BMPR2: variants seen among roughly 807,000 people sequenced by gnomAD.
The protein encoded by BMPR2 is bone morphogenetic protein receptor type-2.
Under a neutral mutation model 100.8 loss-of-function variants are expected in BMPR2, and 29 were observed. That is an observed-to-expected ratio of 0.29 (90% CI 0.21 to 0.39). BMPR2 has a LOEUF of 0.39. BMPR2 is among the 10% of genes least tolerant of loss of function. The pLI, the probability that BMPR2 is intolerant of heterozygous loss-of-function variation, is 1.00. For missense variants in BMPR2, 1,011 were observed against 1,274.5 expected (o/e 0.79, Z 3.15); for synonymous variants, 382 against 442.3 (o/e 0.86, Z 1.71).
intron 1 of BMPR2, among the ~76,000 whole-genome samples, chr2:202,412,154 G>A (rs951349744): frequency 1.3e-5 from 2 of 151,960 alleles, no homozygotes; most frequent in Non-Finnish European, 2.9e-5. Context: ...CTAAAAAGTT[G>A]AAAACACATG....
chr2:202,485,163 T>C (rs1367610686), intron 3 of BMPR2, among the ~76,000 whole-genome samples: 7 of 152,054 alleles, frequency 4.6e-5, no homozygotes, highest in East Asian at 1.9e-4. Flanking sequence ...TTGAATAATA[T>C]AAATGGTAAT....
chr2:202,461,453 C>G (rs1370248811), intron 1 of BMPR2, among the ~76,000 whole-genome samples: 1 of 152,106 alleles, frequency 6.6e-6, no homozygotes, highest in African/African-American at 2.4e-5. Flanking sequence ...CACTGCACTC[C>G]AGCCTGGGCA....
In BMPR2 at chr2:202,518,819, C is replaced by G. The variant is rs775351300; in HGVS notation, c.622-3C>G. On this transcript the variant is annotated splice_polypyrimidine_tract_variant and splice_region_variant and intron_variant, in intron 5 of 12. Transcript: ENST00000374580. The stretch of plus-strand genomic sequence containing the variant: ...TACCTTGCTTTCTTTAAAACACTTG[C>G]AGCTGATTGGCCGAGGTCGATATGG... 1.9e-6 allele frequency: 3 copies of G among 1,612,660 alleles called. No homozygotes were observed. The highest frequency in any genetic ancestry group is 1.7e-6 in the Non-Finnish European group (2 of 1,178,686).
intron 7 of BMPR2, among the ~76,000 whole-genome samples, chr2:202,526,408 A>G (rs546911599): frequency 2.0e-5 from 3 of 152,330 alleles, no homozygotes; most frequent in South Asian, 2.1e-4. Context: ...GTATATTAGC[A>G]TGGATCATCT....
chr2:202,477,786 C>T (rs1297463854), intron 3 of BMPR2, among the ~76,000 whole-genome samples: 1 of 151,810 alleles, frequency 6.6e-6, no homozygotes, highest in Non-Finnish European at 1.5e-5. Context: ...GACTCCATCT[C>T]CAAAATAAAT....
chr2:202,435,926 C>T (rs962238095), intron 1 of BMPR2, among the ~76,000 whole-genome samples: 3 of 150,498 alleles, frequency 2.0e-5, no homozygotes, highest in East Asian at 1.9e-4. Flanking sequence ...GATATTCATA[C>T]GATGAAGTCA....
At position 202,420,717 on chromosome 2, in the gene BMPR2, T is replaced by C. The variant is rs182375405; in HGVS notation, c.76+43167T>C. Among the ~76,000 whole-genome samples the C allele has an allele frequency of 3.4e-3, 516 of 151,726 alleles. 1 individual carries two copies. Among genetic ancestry groups the C allele is most frequent in the African/African-American group, 0.012 (489 of 41,410 alleles). ...GCATGCCACCATGCCTGGCTAATTT[T>C]TGTAGTTTTAGTAGAGATGGGGTTT... On this transcript the variant is annotated intron_variant, in intron 1 of 12. Coordinates refer to ENST00000374580, the MANE Select transcript of BMPR2 (RefSeq NM_001204.7).
intron 7 of BMPR2, among the ~76,000 whole-genome samples, chr2:202,530,275 T>C (rs941241680): frequency 2.0e-5 from 3 of 152,198 alleles, no homozygotes; most frequent in Non-Finnish European, 4.4e-5. Context: ...TGTAAAACTA[T>C]TTGTGGTTAG....
intron 1 of BMPR2, among the ~76,000 whole-genome samples, chr2:202,398,125 AT>A (rs1574427268): frequency 6.6e-6 from 1 of 150,810 alleles, no homozygotes; most frequent in Non-Finnish European, 1.5e-5. Flanking sequence ...AAAAAAAAAA[AT>A]CTATACTTAC....
rs1248235189 is a variant in BMPR2, at chr2:202,562,630, C to T, written c.*2684C>T. The T allele has an allele frequency of 6.6e-6, 1 of 152,094 alleles. No individual in the cohort carries two copies. Among genetic ancestry groups the T allele is most frequent in the African/African-American group, 2.4e-5 (1 of 41,394 alleles). 9.4% of individuals were successfully genotyped at this position (152,094 alleles called of 1,614,324 possible). ...AGTGGGGTCCTTTTGAATAAAAGAT[C>T]ATTCAACTAAAAATATTAAAATTTA... On this transcript the variant is annotated 3_prime_UTR_variant, in exon 13 of 13. Transcript: ENST00000374580.
rs116022136 is a variant in BMPR2, at chr2:202,382,011, C to T, written c.76+4461C>T. The stretch of plus-strand genomic sequence containing the variant: ...TAATTGGCCACACCACTTATTTTGG[C>T]ACCTACTCATAGATTGCTGTGCTGC... On this transcript the variant is annotated intron_variant, in intron 1 of 12. Transcript: ENST00000374580. Among the ~76,000 whole-genome samples the T allele has an allele frequency of 3.9e-3, 582 of 150,892 alleles. 6 individuals are homozygous for T. Among genetic ancestry groups the T allele is most frequent in the African/African-American group, 0.013 (554 of 41,110 alleles).
intron 1 of BMPR2, among the ~76,000 whole-genome samples, chr2:202,378,290 A>G (rs1690197593): frequency 6.6e-6 from 1 of 152,144 alleles, no homozygotes; most frequent in Admixed American, 6.6e-5. Flanking sequence ...TTTTCATTTC[A>G]GTTCTCAGAA....
At chr2:202,423,930 C>T (rs1054808157) in intron 1 of BMPR2, among the ~76,000 whole-genome samples, 1 of 152,076 alleles carries the variant, frequency 6.6e-6, no homozygotes, top group South Asian at 2.1e-4. Flanking sequence ...TTACATACCA[C>T]GGATGTGGTG....
At chr2:202,382,674 A>G (rs1329721503) in intron 1 of BMPR2, among the ~76,000 whole-genome samples, 4 of 152,266 alleles carry the variant, frequency 2.6e-5, no homozygotes, top group Admixed American at 6.5e-5. Flanking sequence ...TAACACACCA[A>G]TAACTTTTTC....
At chr2:202,556,584 A>G (rs1270643561) in intron 12 of BMPR2, 53 bp downstream of exon 12, 1 of 1,572,984 alleles carries the variant, frequency 6.4e-7, no homozygotes, top group South Asian at 1.1e-5. Flanking sequence ...GGCCATTTAA[A>G]TAACTATTTA....
intron 1 of BMPR2, among the ~76,000 whole-genome samples, chr2:202,393,882 CGAGAGAGAGAGA>C (rs56708616): frequency 0.031 from 3,025 of 97,918 alleles, 41 homozygotes; most frequent in African/African-American, 0.05. Context: ...AATGAGAGAG[CGAGAGAGAGAGA>C]GAGAGAGAGA....
At chr2:202,389,717 C>A (rs1206228059) in intron 1 of BMPR2, among the ~76,000 whole-genome samples, 1 of 151,084 alleles carries the variant, frequency 6.6e-6, no homozygotes, top group Admixed American at 6.6e-5. Flanking sequence ...TCTTGGCTCA[C>A]CGCAACCTCC....
chr2:202,503,433 C>T lies in BMPR2; in HGVS notation c.419-10286C>T, dbSNP rs1009364790. ...CGGCGTGCCGCGCTTGCGGGCCAGC[C>T]GGAGTTCCGGTTGGGCATGGGCTTG... is the stretch of plus-strand genomic sequence containing the variant. On this transcript the variant is annotated intron_variant, in intron 3 of 12. Coordinates refer to ENST00000374580, the MANE Select transcript of BMPR2 (RefSeq NM_001204.7). The surrounding 1 kb of genome is among the most constrained non-coding windows in gnomAD (Gnocchi z 4.0). Among the ~76,000 whole-genome samples the T allele has an allele frequency of 3.9e-5, 6 of 152,244 alleles. No homozygotes were observed. The highest frequency in any genetic ancestry group is 4.8e-5 in the African/African-American group (2 of 41,468).
intron 2 of BMPR2, among the ~76,000 whole-genome samples, chr2:202,466,093 T>C (rs2105960913): frequency 6.6e-6 from 1 of 152,322 alleles, no homozygotes; most frequent in East Asian, 1.9e-4. Flanking sequence ...AGTGAACAAC[T>C]TTAAACATAA....
Sources: allele counts gnomAD v4.1 joint callset (sites outside exome capture counted in the v4.1 genomes callset), GRCh38; gene constraint gnomAD v4.1.1; non-coding constraint Gnocchi (gnomAD v3.1); transcripts MANE v1.5; gene names NCBI Gene and HGNC (gene_info 2026-07-23, HGNC 2026-07-21).